The following SIGLEC12 variants were observed in gnomAD, a reference collection of about 807,000 sequenced individuals.
SIGLEC12 encodes the protein sialic acid binding Ig like lectin 12.
Under a neutral mutation model 54.1 loss-of-function variants are expected in SIGLEC12, and 43 were observed. That is an observed-to-expected ratio of 0.80 (90% CI 0.62 to 1.03). The LOEUF is 1.03. Ranked by LOEUF, SIGLEC12 falls within the 50% of genes least tolerant of loss-of-function variation. The pLI, the probability that SIGLEC12 is intolerant of heterozygous loss-of-function variation, is 0.00. For synonymous variants in SIGLEC12, 357 were observed against 307.6 expected (o/e 1.16, Z -1.68); for missense variants, 802 against 735.2 (o/e 1.09, Z -1.05).
In SIGLEC12 at chr19:51,496,919, G is replaced by T; in HGVS notation, c.1560C>A (p.Gly520=). The T allele has an allele frequency of 6.2e-7, 1 of 1,613,920 alleles. No individual in the cohort carries two copies. Among genetic ancestry groups the T allele is most frequent in the Non-Finnish European group, 8.5e-7 (1 of 1,180,024 alleles). ...CCCTGACAGCGTTTGCGTCCTCCAT[G>T]CCTGTATCCCCCACGCCCACTGCTG... The part of the protein sequence containing the change: ...ARPAVGVGDT[G]MEDANAVRGS... Residue 520 remains glycine, a synonymous_variant, in exon 7 of 8, where the codon GGC becomes GGA. Coordinates refer to ENST00000291707, the MANE Select transcript of SIGLEC12 (RefSeq NM_053003.4).
Position 51,497,346 on chromosome 19 carries a change from C to T in SIGLEC12, c.1502+3G>A. The stretch of plus-strand genomic sequence containing the variant: ...GCTCTTCCTCCCCAGGGTCAATGCT[C>T]ACACAACGAAGATGATGCAGAAGTA... On this transcript the variant is annotated splice_donor_region_variant and intron_variant, in intron 6 of 7. Coordinates refer to ENST00000291707, the MANE Select transcript of SIGLEC12 (RefSeq NM_053003.4). The T allele has an allele frequency of 6.2e-7, 1 of 1,612,576 alleles. No homozygotes were observed. Among genetic ancestry groups the T allele is most frequent in the Non-Finnish European group, 8.5e-7 (1 of 1,178,762 alleles).
At chr19:51,498,354 AAG>A (rs1599954571) in intron 4 of SIGLEC12, 67 bp from the exon 5 acceptor site, 2 of 1,393,450 alleles carry the variant, frequency 1.4e-6, no homozygotes, top group African/African-American at 1.4e-5. Context: ...AGGATACAGA[AAG>A]AGAGTGGTGA....
chr19:51,497,263 T>C (rs1262675944), intron 6 of SIGLEC12, 86 bp downstream of exon 6: 4 of 1,239,268 alleles, frequency 3.2e-6, no homozygotes, highest in Admixed American at 3.7e-5. Context: ...TCTTGACCCA[T>C]CCAGGTCCTT....
Position 51,496,930 on chromosome 19 carries a change from C to G in SIGLEC12, c.1549G>C (p.Gly517Arg). The change falls in exon 7 of 8, where the codon GGG becomes CGG. Residue 517 changes from glycine (G) to arginine (R), a missense_variant. Gly to Arg is a moderately radical substitution (Grantham distance 125, BLOSUM62 -2). Transcript: ENST00000291707. ...KKSARPAVGV[G>R]DTGMEDANAV... Reference sequence around the variant, plus strand: ...TTTGCGTCCTCCATGCCTGTATCCCCCACGCCCACTGCTGGCCTTGCCGAT... The same window carrying G: ...TTTGCGTCCTCCATGCCTGTATCCCGCACGCCCACTGCTGGCCTTGCCGAT... 6.2e-7 allele frequency: 1 copy of G among 1,613,808 alleles called. No individual in the cohort carries two copies. The highest frequency in any genetic ancestry group is 8.5e-7 in the Non-Finnish European group (1 of 1,180,010).
At chr19:51,492,414 C>G (rs1990130374) in intron 7 of SIGLEC12, among the ~76,000 whole-genome samples, 1 of 152,172 alleles carries the variant, frequency 6.6e-6, no homozygotes, top group South Asian at 2.1e-4. Flanking sequence ...GAGAAGCTCA[C>G]AGTTTGGTGG....
intron 7 of SIGLEC12, among the ~76,000 whole-genome samples, chr19:51,494,037 AT>A (rs1990169120): frequency 6.6e-6 from 1 of 152,104 alleles, no homozygotes; most frequent in South Asian, 2.1e-4. Flanking sequence ...GTCCTTGTGG[AT>A]CCTCTCACTG....
chr19:51,497,328 C>T (rs779597796), intron 6 of SIGLEC12, 21 bp downstream of exon 6: 1 of 1,603,410 alleles, frequency 6.2e-7, no homozygotes, highest in South Asian at 1.1e-5. Context: ...AAGGCTCTTC[C>T]TCCCCAGGGT....
Position 51,491,765 on chromosome 19 carries a change from G to A in SIGLEC12, c.1664C>T (p.Thr555Ile), listed in dbSNP as rs755547046. The A allele has an allele frequency of 1.2e-6, 2 of 1,611,516 alleles. No individual in the cohort carries two copies. Among genetic ancestry groups the A allele is most frequent in the Non-Finnish European group, 8.5e-7 (1 of 1,178,596 alleles). The change falls in exon 8 of 8, where the codon ACC (threonine) becomes ATC (isoleucine). Residue 555 changes from threonine (T) to isoleucine (I), a missense_variant. Transcript: ENST00000291707. ...GATCTCTCCTTCCTCTGGGGAGGGG[G>A]TGGCCAGGGCTGGCGGAGCATGGTG... ...PPHHAPPALATPSPEEGEIQY... is the reference protein window; with the variant it reads ...PPHHAPPALAIPSPEEGEIQY...
Position 51,499,541 on chromosome 19 carries a change from G to T in SIGLEC12, c.984C>A (p.Ser328Arg). 2 of 1,611,096 alleles carry T rather than the reference G, an allele frequency of 1.2e-6. No homozygotes were observed. Among genetic ancestry groups the T allele is most frequent in the Non-Finnish European group, 1.7e-6 (2 of 1,178,572 alleles). Residue 328 changes from serine (S) to arginine (R), a missense_variant, in exon 3 of 8, where the codon AGC (serine) becomes AGA (arginine). By Grantham distance (110) the Ser-to-Arg change is moderately radical. Coordinates refer to ENST00000291707, the MANE Select transcript of SIGLEC12 (RefSeq NM_053003.4). ...DPTITRSSML[S>R]LIPQPQDHGT... ...CATGGTCCTGGGGCTGTGGGATGAGGCTGAGCATCGAGGAGCGAGTGATAG... is the reference window on the plus strand; with the variant it reads ...CATGGTCCTGGGGCTGTGGGATGAGTCTGAGCATCGAGGAGCGAGTGATAG...
chr19:51,497,292 A>G (rs28501668), intron 6 of SIGLEC12, 57 bp downstream of exon 6: 66,045 of 1,499,128 alleles, frequency 0.044, 2,155 homozygotes, highest in African/African-American at 0.15. Flanking sequence ...GGCTTCAGGG[A>G]TTTTGTTCCC....
chr19:51,497,065 A>G (rs1990261158), intron 6 of SIGLEC12, 89 bp from the exon 7 acceptor site: 1 of 1,600,056 alleles, frequency 6.2e-7, no homozygotes, highest in Non-Finnish European at 8.5e-7. Flanking sequence ...CCTATTGGGG[A>G]GCTGGAGGGG....
chr19:51,491,666 T>C lies in SIGLEC12; in HGVS notation c.1763A>G (p.Tyr588Cys). 1.2e-6 allele frequency: 2 copies of C among 1,613,242 alleles called. No individual in the cohort carries two copies. Among genetic ancestry groups the C allele is most frequent in the South Asian group, 2.2e-5 (2 of 91,018 alleles). The change falls in exon 8 of 8, where the codon TAC (tyrosine) becomes TGC (cysteine). Residue 588 changes from tyrosine to cysteine, a missense_variant. Physicochemically the swap from Tyr to Cys is radical, Grantham distance 194. Coordinates refer to ENST00000291707, the MANE Select transcript of SIGLEC12 (RefSeq NM_053003.4). ...TCACTTGGGGATGTTGATCTCGGAG[T>C]ACTCATAGCCGATGGCCTCCTGTTC... The part of the protein sequence containing the change: ...PQEQEAIGYE[Y>C]SEINIPK
chr19:51,491,501 A>G lies in SIGLEC12; in HGVS notation c.*140T>C. The G allele has an allele frequency of 2.4e-6, 2 of 824,568 alleles. No individual in the cohort carries two copies. The highest frequency in any genetic ancestry group is 3.8e-6 in the Non-Finnish European group (2 of 519,736). The allele number at this position is 824,568 out of a possible 1,614,324, so 51.1% of individuals were successfully genotyped here. On this transcript the variant is annotated 3_prime_UTR_variant, in exon 8 of 8. Coordinates refer to ENST00000291707, the MANE Select transcript of SIGLEC12 (RefSeq NM_053003.4). ...GGGAGAGTTTGGTCATCAGGCACGC[A>G]TTTTCAGTTTGACAAGAGGAATAAG... is the stretch of plus-strand genomic sequence containing the variant.
intron 7 of SIGLEC12, among the ~76,000 whole-genome samples, chr19:51,495,397 ATGGGTGGGTGGGTGGG>A (rs779173080): frequency 2.9e-4 from 15 of 51,836 alleles, no homozygotes; most frequent in Middle Eastern, 0.017. Context: ...GGATGGATGG[ATGGGTGGGTGGGTGGG>A]TGGATGGATG....
intron 6 of SIGLEC12, 135 bp downstream of exon 6, chr19:51,497,214 C>T: frequency 2.2e-6 from 2 of 904,826 alleles, no homozygotes; most frequent in Non-Finnish European, 3.4e-6. Flanking sequence ...GAAATTCTTA[C>T]CATGCACCCA....
In SIGLEC12 at chr19:51,491,516, A is replaced by G. The variant is rs1015793276; in HGVS notation, c.*125T>C. On this transcript the variant is annotated 3_prime_UTR_variant, in exon 8 of 8. Coordinates refer to ENST00000291707, the MANE Select transcript of SIGLEC12 (RefSeq NM_053003.4). ...TCAGGCACGCATTTTCAGTTTGACA[A>G]GAGGAATAAGTTCTGATGTCCTGTT... 1.0e-4 allele frequency: 93 copies of G among 932,264 alleles called. No homozygotes were observed. The Admixed American group carries it at 2.0e-3, about 20-fold the overall frequency. 57.7% of individuals were successfully genotyped at this position (932,264 alleles called of 1,614,324 possible). A position where few individuals can be genotyped will look rare whatever the true frequency, so the allele number is the denominator to read the frequency against.
chr19:51,492,549 G>C (rs1478422711), intron 7 of SIGLEC12, among the ~76,000 whole-genome samples: 1 of 152,150 alleles, frequency 6.6e-6, no homozygotes, highest in East Asian at 1.9e-4. Context: ...TGGCTAAAGG[G>C]GCTTTACAGA....
chr19:51,496,561 T>G (rs1258523269), intron 7 of SIGLEC12, among the ~76,000 whole-genome samples: 5 of 152,166 alleles, frequency 3.3e-5, no homozygotes, highest in Admixed American at 3.3e-4. Context: ...CTGAGCCAAA[T>G]GGAACTTGAA....
At position 51,499,200 on chromosome 19, in the gene SIGLEC12, T is replaced by G. The variant is rs558174294; in HGVS notation, c.1105A>C (p.Thr369Pro). ...CCATCTCCTTGGAAGACAGTCATGGTCAAGTTCTGAGGAGGATCTGGAACA... is the reference window on the plus strand; with the variant it reads ...CCATCTCCTTGGAAGACAGTCATGGGCAAGTTCTGAGGAGGATCTGGAACA... ...LNISYPPQNL[T>P]MTVFQGDGTA... The change falls in exon 4 of 8, where the codon ACC becomes CCC. Residue 369 changes from threonine (T) to proline (P), a missense_variant. Thr to Pro is a conservative substitution (Grantham distance 38). Transcript: ENST00000291707. The G allele has an allele frequency of 7.0e-5, 113 of 1,614,076 alleles. 2 individuals are homozygous for G. The South Asian group carries it at 1.2e-3, about 17-fold the overall frequency.
Sources: gnomAD v4.1 joint callset for allele counts (sites outside exome capture counted in the v4.1 genomes callset) on GRCh38, gnomAD v4.1.1 for gene constraint, MANE v1.5 for transcripts, NCBI Gene and HGNC (gene_info 2026-07-23, HGNC 2026-07-21) for gene names.